The following ABCC11 variants were observed in gnomAD, a reference collection of about 807,000 sequenced individuals.
The protein encoded by ABCC11 is ATP binding cassette subfamily C member 11.
A neutral mutation model predicts 149.3 loss-of-function variants in ABCC11; 135 were observed. That is an observed-to-expected ratio of 0.90 (90% CI 0.79 to 1.04). ABCC11 has a LOEUF of 1.04. Among genes scored for constraint, ABCC11 ranks in the 50% least tolerant of loss-of-function variants. The pLI, the probability that ABCC11 is intolerant of heterozygous loss-of-function variation, is 0.00. For missense variants in ABCC11, 1,680 were observed against 1,722.1 expected (o/e 0.98, Z 0.43); for synonymous variants, 665 against 671.4 (o/e 0.99, Z 0.15).
chr16:48,176,820 T>A lies in ABCC11; in HGVS notation c.3538+104A>T, dbSNP rs142311040. ...GGCCCAGCACAGCATGAGGACCTAA[T>A]ACATATTTGGGGGATGACTGAGCAA... is the stretch of plus-strand genomic sequence containing the variant. On this transcript the variant is annotated intron_variant, in intron 25 of 29. Transcript: ENST00000356608. 255 of 1,325,480 alleles carry A rather than the reference T, an allele frequency of 1.9e-4. 2 individuals are homozygous for A. In the African/African-American group the frequency reaches 3.4e-3, roughly 18 times the overall value. 82.1% of individuals were successfully genotyped at this position (1,325,480 alleles called of 1,614,324 possible). A position where few individuals can be genotyped will look rare whatever the true frequency, so the allele number is the denominator to read the frequency against.
rs759564176 is a variant in ABCC11, at chr16:48,176,904, G to C, written c.3538+20C>G. 6 of 1,610,364 alleles carry C rather than the reference G, an allele frequency of 3.7e-6. No individual in the cohort carries two copies. The highest frequency in any genetic ancestry group is 4.2e-6 in the Non-Finnish European group (5 of 1,178,800). ...GGCAAAGGAGGAGCTGGGGACGCTC[G>C]CCCAGGAAGCTCAGCTCACCAGAGC... On this transcript the variant is annotated intron_variant, in intron 25 of 29. Transcript: ENST00000356608.
chr16:48,223,060 C>T (rs1328760582), intron 5 of ABCC11, among the ~76,000 whole-genome samples: 1 of 152,224 alleles, frequency 6.6e-6, no homozygotes, highest in Non-Finnish European at 1.5e-5. Context: ...CTCATCCTGA[C>T]AGGAGACAGG....
intron 6 of ABCC11, among the ~76,000 whole-genome samples, chr16:48,221,340 A>T (rs1296135452): frequency 6.6e-6 from 1 of 152,210 alleles, no homozygotes; most frequent in Admixed American, 6.5e-5. Flanking sequence ...CAGAAAAATA[A>T]AGATATCAAA....
intron 10 of ABCC11, 34 bp from the exon 11 acceptor site, chr16:48,211,233 A>G (rs1322653668): frequency 1.2e-6 from 2 of 1,604,810 alleles, no homozygotes; most frequent in South Asian, 2.2e-5. Flanking sequence ...GGGAGGAGGA[A>G]TACAGTTCTT....
At chr16:48,221,737 GGT>G (rs71973142) in intron 6 of ABCC11, among the ~76,000 whole-genome samples, 21,196 of 149,762 alleles carry the variant, frequency 0.14, 1,901 homozygotes, top group African/African-American at 0.27. Context: ...AACTATTTGG[GGT>G]GTGTGTGTGT....
intron 15 of ABCC11, among the ~76,000 whole-genome samples, chr16:48,199,033 C>CA (rs1250823442): frequency 3.4e-5 from 5 of 149,062 alleles, no homozygotes; most frequent in African/African-American, 4.9e-5. Flanking sequence ...GACTCTGTCT[C>CA]AAAAAAATAT....
chr16:48,222,613 G>A lies in ABCC11; in HGVS notation c.762C>T (p.His254=). ...EKLIQFKSVI[H]ITSGEAISFF... ...AGCTGCTTACCTCTCCTGAGGTGAT[G>A]TGTATTACAGACTTAAATTGGATGA... The change falls in exon 6 of 30, where the codon CAC becomes CAT. Residue 254 remains histidine, a synonymous_variant. Transcript: ENST00000356608. The A allele has an allele frequency of 1.9e-6, 3 of 1,614,068 alleles. No homozygotes were observed. Among genetic ancestry groups the A allele is most frequent in the Non-Finnish European group, 2.5e-6 (3 of 1,179,896 alleles).
At chr16:48,175,628 C>T (rs1474125286) in intron 25 of ABCC11, among the ~76,000 whole-genome samples, 2 of 152,208 alleles carry the variant, frequency 1.3e-5, no homozygotes, top group Non-Finnish European at 2.9e-5. Context: ...TCAGAGGGCA[C>T]ACGTGGGGCC....
intron 13 of ABCC11, among the ~76,000 whole-genome samples, chr16:48,203,801 G>A (rs1021799014): frequency 6.6e-6 from 1 of 152,266 alleles, no homozygotes; most frequent in East Asian, 1.9e-4. Flanking sequence ...CAGGGAGGCG[G>A]AAAGGTTGCA....
At chr16:48,175,205 A>G in intron 26 of ABCC11, 53 bp downstream of exon 26, 1 of 1,576,280 alleles carries the variant, frequency 6.3e-7, no homozygotes. Context: ...CGGTGCTGGA[A>G]TCCTGGTCCT....
At position 48,213,432 on chromosome 16, in the gene ABCC11, T is replaced by G; in HGVS notation, c.1356+11A>C. On this transcript the variant is annotated intron_variant, in intron 10 of 29. Coordinates refer to ENST00000356608, the MANE Select transcript of ABCC11 (RefSeq NM_001370497.1). ...AGCAGGGGGCCTACAGCCAGTCCCC[T>G]GATGACCTACCTTGAACCTCATCAC... 1 of 1,608,900 alleles carries G rather than the reference T, an allele frequency of 6.2e-7. No homozygotes were observed. Among genetic ancestry groups the G allele is most frequent in the Non-Finnish European group, 8.5e-7 (1 of 1,177,052 alleles).
rs770735735 is a variant in ABCC11 at position 48,176,964 on chromosome 16, G to A, written c.3498C>T (p.Arg1166=). 2.0e-5 allele frequency: 32 copies of A among 1,613,990 alleles called. No individual in the cohort carries two copies. In the Admixed American group the frequency reaches 2.0e-4, roughly 10 times the overall value. Reference sequence around the variant, plus strand: ...CCACGATGCCCACCACTTCGTGGCCGCGGATGGTCAGGTTGATGCCGTGAA... The same window carrying A: ...CCACGATGCCCACCACTTCGTGGCCACGGATGGTCAGGTTGATGCCGTGAA... ...TVLHGINLTI[R]GHEVVGIVGR... Residue 1166 remains arginine (R), a synonymous_variant, in exon 25 of 30, where the codon CGC becomes CGT. Coordinates refer to ENST00000356608, the MANE Select transcript of ABCC11 (RefSeq NM_001370497.1).
intron 20 of ABCC11, among the ~76,000 whole-genome samples, chr16:48,190,770 AG>A (rs1966874922): frequency 6.6e-6 from 1 of 152,220 alleles, no homozygotes; most frequent in African/African-American, 2.4e-5. Flanking sequence ...AAGAGAACTC[AG>A]GGCAATCATA....
chr16:48,238,935 A>T (rs947646838), intron 1 of ABCC11, among the ~76,000 whole-genome samples: 1 of 85,634 alleles, frequency 1.2e-5, no homozygotes, highest in East Asian at 2.7e-4. Flanking sequence ...GACTCTGTCT[A>T]AAAAAAAAAA....
At chr16:48,218,706 G>A (rs1969515991) in intron 6 of ABCC11, among the ~76,000 whole-genome samples, 1 of 151,782 alleles carries the variant, frequency 6.6e-6, no homozygotes. Context: ...GTTTTATATG[G>A]GGGGAGTTTC....
chr16:48,224,378 A>G lies in ABCC11; in HGVS notation c.447T>C (p.Ala149=). The change falls in exon 5 of 30, where the codon GCT becomes GCC. Residue 149 remains alanine (A), a synonymous_variant. Transcript: ENST00000356608. ...ACCTCAGCATCACCAGAAGCACTGAAGCTTTTTCAATCCCTCGCCTTGAGA... is the reference window on the plus strand; with the variant it reads ...ACCTCAGCATCACCAGAAGCACTGAGGCTTTTTCAATCCCTCGCCTTGAGA... ...EEVSRRGIEK[A]SVLLVMLRFQ... is the part of the protein sequence containing the mutation. 6.2e-7 allele frequency: 1 copy of G among 1,614,192 alleles called. No individual in the cohort carries two copies. The highest frequency in any genetic ancestry group is 1.3e-5 in the African/African-American group (1 of 75,060).
intron 1 of ABCC11, among the ~76,000 whole-genome samples, chr16:48,240,461 G>C (rs1349974541): frequency 6.6e-6 from 1 of 152,192 alleles, no homozygotes; most frequent in East Asian, 1.9e-4. Context: ...ACTTATAAGT[G>C]GAAGCTGAAG....
rs369911664 is a variant in ABCC11 at position 48,189,346 on chromosome 16, C to T, written c.2707-1919G>A. 3.9e-5 allele frequency among the ~76,000 whole-genome samples: 6 copies of T among 152,178 alleles called. No homozygotes were observed. In the East Asian group the frequency reaches 5.8e-4, roughly 15 times the overall value. ...ACTTTGGATTAGGGACCAATGGTGGCGACAAAGGGAAAATGGTTTCAGTTT... is the reference window on the plus strand; with the variant it reads ...ACTTTGGATTAGGGACCAATGGTGGTGACAAAGGGAAAATGGTTTCAGTTT... On this transcript the variant is annotated intron_variant, in intron 20 of 29. Coordinates refer to ENST00000356608, the MANE Select transcript of ABCC11 (RefSeq NM_001370497.1).
chr16:48,233,175 T>C (rs773360217), intron 1 of ABCC11, among the ~76,000 whole-genome samples: 6 of 152,214 alleles, frequency 3.9e-5, no homozygotes, highest in Non-Finnish European at 7.3e-5. Flanking sequence ...TACTCCAGCC[T>C]GGGCAACAGA....
Sources: gnomAD v4.1 joint callset for allele counts (sites outside exome capture counted in the v4.1 genomes callset) on GRCh38, gnomAD v4.1.1 for gene constraint, MANE v1.5 for transcripts, NCBI Gene and HGNC (gene_info 2026-07-23, HGNC 2026-07-21) for gene names.